MYPN: variants seen among roughly 807,000 people sequenced by gnomAD.
The protein encoded by MYPN is sarcomeric protein myopalladin, 145 kDa (MYOP).
A neutral mutation model predicts 129.4 loss-of-function variants in MYPN; 63 were observed. The ratio of observed to expected loss-of-function variants is 0.49; its 90% CI spans 0.40 to 0.60. The LOEUF is 0.60. MYPN is among the 20% of genes least tolerant of loss of function. The pLI is 0.00. For missense variants in MYPN, 1,596 were observed against 1,635.4 expected, an observed-to-expected ratio of 0.98 and a Z score of 0.42; for synonymous variants, 629 against 600.9, an observed-to-expected ratio of 1.05 and a Z score of -0.68.
intron 1 of MYPN, among the ~76,000 whole-genome samples, chr10:68,090,170 C>G (rs1779398860): frequency 6.7e-6 from 1 of 149,210 alleles, no homozygotes; most frequent in Non-Finnish European, 1.5e-5. Flanking sequence ...TCAATGAACA[C>G]TTTTTTTTTT....
Position 68,126,280 on chromosome 10 carries a change from AT to A in MYPN, c.902+3946del, listed in dbSNP as rs969397857. Among the ~76,000 whole-genome samples, 23 of 152,302 alleles carry A rather than the reference AT, an allele frequency of 1.5e-4. 1 individual carries two copies. Among genetic ancestry groups the A allele is most frequent in the Admixed American group, 1.0e-3 (16 of 15,280 alleles). Reference sequence around the variant, plus strand: ...GCACAGACGCTCTAATTATAATAATATTTTTTATATAGCAGAGAGGACACTG... The same window carrying A: ...GCACAGACGCTCTAATTATAATAATATTTTTATATAGCAGAGAGGACACTG... On this transcript the variant is annotated intron_variant, in intron 2 of 19. Transcript: ENST00000358913.
chr10:68,178,939 C>G (rs2043271425), intron 12 of MYPN, among the ~76,000 whole-genome samples: 1 of 151,704 alleles, frequency 6.6e-6, no homozygotes, highest in Admixed American at 6.6e-5. Flanking sequence ...GGAAACTTTC[C>G]CATCTCGTTA....
Position 68,091,853 on chromosome 10 carries a change from C to CA in MYPN, c.-2+3873dup, listed in dbSNP as rs112883411. Among the ~76,000 whole-genome samples, 314 of 138,190 alleles carry CA rather than the reference C, an allele frequency of 2.3e-3. 1 individual carries two copies. Among genetic ancestry groups the CA allele is most frequent in the Middle Eastern group, 3.7e-3 (1 of 272 alleles). The allele number at this position is 138,190 out of a possible 152,430, so 90.7% of individuals were successfully genotyped here. On this transcript the variant is annotated intron_variant, in intron 1 of 6. Coordinates refer to the MYPN transcript ENST00000685154. ...AGAACTTTTTTTTTTAAAGTGCAGC[C>CA]AAAAAAAAAAAATTACAAGAGAAAA...
At chr10:68,198,204 C>T (rs898315508) in intron 16 of MYPN, among the ~76,000 whole-genome samples, 8 of 152,092 alleles carry the variant, frequency 5.3e-5, no homozygotes, top group Admixed American at 3.3e-4. Context: ...GCCTTTATTA[C>T]TATAAAGCCA....
chr10:68,098,995 T>A (rs1274524438), intron 1 of MYPN, among the ~76,000 whole-genome samples: 3 of 152,234 alleles, frequency 2.0e-5, no homozygotes, highest in Admixed American at 6.5e-5. Context: ...ATTAATCTGG[T>A]TCTCACAGTT....
intron 12 of MYPN, among the ~76,000 whole-genome samples, chr10:68,182,426 A>ATAAC (rs1491273169): frequency 1.4e-5 from 1 of 69,326 alleles, no homozygotes; most frequent in South Asian, 6.2e-4. Context: ...ACATATATAT[A>ATAAC]ACACATATAT....
intron 9 of MYPN, among the ~76,000 whole-genome samples, 166 bp downstream of exon 9, chr10:68,165,984 C>G (rs2043046858): frequency 6.6e-6 from 1 of 152,180 alleles, no homozygotes; most frequent in African/African-American, 2.4e-5. Flanking sequence ...CAATTTTCAA[C>G]TTCTTATTGC....
chr10:68,197,643 T>G (rs2043633439), intron 16 of MYPN, among the ~76,000 whole-genome samples, 165 bp downstream of exon 16: 1 of 152,092 alleles, frequency 6.6e-6, no homozygotes, highest in Non-Finnish European at 1.5e-5. Context: ...TTGGAGTATT[T>G]AATGTCAGAT....
chr10:68,148,537 T>G (rs970002120), intron 5 of MYPN, 70 bp downstream of exon 5: 4 of 1,224,770 alleles, frequency 3.3e-6, no homozygotes, highest in Admixed American at 1.7e-5. Context: ...ATGACCATCT[T>G]GCATGGCATG....
At chr10:68,110,060 C>T (rs896015217) in intron 1 of MYPN, among the ~76,000 whole-genome samples, 5 of 152,188 alleles carry the variant, frequency 3.3e-5, no homozygotes, top group Non-Finnish European at 7.3e-5. Flanking sequence ...AATATGTAAG[C>T]AATGCCAGTT....
Position 68,210,440 on chromosome 10 carries a change from G to A in MYPN, c.3948G>A (p.Glu1316=), listed in dbSNP as rs754670795. 7 of 1,614,180 alleles carry A rather than the reference G, an allele frequency of 4.3e-6. No homozygotes were observed. Among genetic ancestry groups the A allele is most frequent in the South Asian group, 1.1e-5 (1 of 91,080 alleles). Residue 1316 remains glutamate, a synonymous_variant, in exon 20 of 20, where the codon GAG becomes GAA. Transcript: ENST00000358913. ...VYSCSSRSVV[E]SDEL is the part of the protein sequence containing the mutation. ...CATGCTCTTCTCGGAGTGTAGTGGA[G>A]AGTGATGAACTTTAAGAATGTCTAG...
intron 2 of MYPN, among the ~76,000 whole-genome samples, chr10:68,131,807 T>C (rs1025573042): frequency 6.6e-6 from 1 of 152,246 alleles, no homozygotes; most frequent in Non-Finnish European, 1.5e-5. Flanking sequence ...TTAATGCTAT[T>C]ATTAATGGCA....
chr10:68,182,844 T>C (rs2134236856), intron 12 of MYPN, among the ~76,000 whole-genome samples: 1 of 152,300 alleles, frequency 6.6e-6, no homozygotes, highest in East Asian at 1.9e-4. Flanking sequence ...TTGAGTTCTC[T>C]GTTTTCATGA....
intron 2 of MYPN, chr10:68,136,696 A>G: frequency 6.5e-7 from 1 of 1,535,540 alleles, no homozygotes; most frequent in Non-Finnish European, 8.7e-7. Context: ...CCTTCTGGCT[A>G]TCCAATTGCT....
At position 68,210,501 on chromosome 10, in the gene MYPN, G is replaced by A; in HGVS notation, c.*46G>A. ...TGTAAGAGAGCGGACTGTGGAGGGG[G>A]AATGAGAACAAGCCAGACTTGGTGG... On this transcript the variant is annotated 3_prime_UTR_variant, in exon 20 of 20. Coordinates refer to ENST00000358913, the MANE Select transcript of MYPN (RefSeq NM_032578.4). The A allele has an allele frequency of 6.2e-7, 1 of 1,608,870 alleles. No homozygotes were observed. Among genetic ancestry groups the A allele is most frequent in the Middle Eastern group, 1.7e-4 (1 of 5,850 alleles).
intron 13 of MYPN, among the ~76,000 whole-genome samples, chr10:68,192,675 T>C (rs551344896): frequency 6.6e-6 from 1 of 151,210 alleles, no homozygotes; most frequent in East Asian, 2.0e-4. Context: ...TTTTCGTTAC[T>C]GCTTCAATCT....
At position 68,145,659 on chromosome 10, in the gene MYPN, A is replaced by C. The variant is rs576065947; in HGVS notation, c.1130+133A>C. 9 of 709,650 alleles carry C rather than the reference A, an allele frequency of 1.3e-5. No homozygotes were observed. The African/African-American group carries it at 1.6e-4, about 13-fold the overall frequency. The allele number at this position is 709,650 out of a possible 1,614,324, so 44.0% of individuals were successfully genotyped here. A position where few individuals can be genotyped will look rare whatever the true frequency, so the allele number is the denominator to read the frequency against. On this transcript the variant is annotated intron_variant, in intron 4 of 19. Transcript: ENST00000358913. Reference sequence around the variant, plus strand: ...TGACCACAAAAATAAATAAATAAACAAACAAACAAACAAACAAATTGAGTG... The same window carrying C: ...TGACCACAAAAATAAATAAATAAACCAACAAACAAACAAACAAATTGAGTG...
chr10:68,134,027 T>G (rs1366171635), intron 2 of MYPN, among the ~76,000 whole-genome samples: 1 of 151,980 alleles, frequency 6.6e-6, no homozygotes, highest in East Asian at 1.9e-4. Context: ...GAACTTACCC[T>G]AAAAGAAAGA....
rs531730033 is a variant in MYPN, at chr10:68,114,540, G to A, written c.-2+4817G>A. Among the ~76,000 whole-genome samples, 19 of 152,012 alleles carry A rather than the reference G, an allele frequency of 1.2e-4. No homozygotes were observed. In the South Asian group the frequency reaches 4.0e-3, roughly 32 times the overall value. Reference sequence around the variant, plus strand: ...ATTTTTGTACTTTTAGTAGAGACAGGGTTTCACCATGTTGACCAGGCTGGT... The same window carrying A: ...ATTTTTGTACTTTTAGTAGAGACAGAGTTTCACCATGTTGACCAGGCTGGT... On this transcript the variant is annotated intron_variant, in intron 1 of 19. Coordinates refer to ENST00000358913, the MANE Select transcript of MYPN (RefSeq NM_032578.4).
Sources: allele counts gnomAD v4.1 joint callset (sites outside exome capture counted in the v4.1 genomes callset), GRCh38; gene constraint gnomAD v4.1.1; transcripts MANE v1.5; gene names NCBI Gene and HGNC (gene_info 2026-07-23, HGNC 2026-07-21).